Variants in SRP54 observed in about 807,000 individuals in gnomAD.
The protein encoded by SRP54 is signal recognition particle 54, also known as signal recognition particle subunit SRP54.
Under a neutral mutation model 64.8 loss-of-function variants are expected in SRP54, and 10 were observed. The observed-to-expected ratio is 0.15, with a 90% CI of 0.10 to 0.26. The LOEUF (loss-of-function observed/expected upper bound fraction) is 0.26. Ranked by LOEUF, SRP54 falls within the 10% of genes least tolerant of loss-of-function variation. The pLI is 1.00. For missense variants in SRP54, 325 were observed against 613.7 expected, an observed-to-expected ratio of 0.53 and a Z score of 4.97; for synonymous variants, 193 against 185.6, an observed-to-expected ratio of 1.04 and a Z score of -0.32.
chr14:35,000,404 A>G (rs2044150702), intron 3 of SRP54, among the ~76,000 whole-genome samples: 1 of 151,998 alleles, frequency 6.6e-6, no homozygotes, highest in Admixed American at 6.6e-5. Flanking sequence ...TGTTTCTACT[A>G]AAAATACAAA....
chr14:35,004,825 C>G lies in SRP54; in HGVS notation c.256-2458C>G, dbSNP rs997086882. ...TGTTTAAGACAGATTTTGCCTATTT[C>G]AAAAGTTTGCCTAAGGGTAGGTTGA... On this transcript the variant is annotated intron_variant, in intron 4 of 15. Coordinates refer to ENST00000216774, the MANE Select transcript of SRP54 (RefSeq NM_003136.4). Among the ~76,000 whole-genome samples, 3 of 152,234 alleles carry G rather than the reference C, an allele frequency of 2.0e-5. No homozygotes were observed. The South Asian group carries it at 6.2e-4, about 32-fold the overall frequency.
intron 1 of SRP54, among the ~76,000 whole-genome samples, chr14:34,987,855 CTACA>C (rs2043922706): frequency 1.3e-5 from 2 of 152,134 alleles, no homozygotes; most frequent in South Asian, 4.1e-4. Flanking sequence ...ATGGATTATA[CTACA>C]TATGCAGTTT....
intron 4 of SRP54, among the ~76,000 whole-genome samples, chr14:35,004,003 G>A (rs1255066170): frequency 6.6e-6 from 1 of 151,590 alleles, no homozygotes; most frequent in Non-Finnish European, 1.5e-5. Flanking sequence ...CCAGTACTTT[G>A]GCAGGCCAAG....
At chr14:35,009,876 T>G (rs912231511) in intron 7 of SRP54, among the ~76,000 whole-genome samples, 2 of 151,594 alleles carry the variant, frequency 1.3e-5, no homozygotes, top group African/African-American at 4.9e-5. Flanking sequence ...AAAAATAAAT[T>G]TAAAAAATTT....
chr14:34,988,802 A>G (rs543495934), intron 1 of SRP54, among the ~76,000 whole-genome samples: 3 of 151,812 alleles, frequency 2.0e-5, no homozygotes, highest in South Asian at 2.1e-4. Flanking sequence ...GTCTCTTGCT[A>G]TCTGGGGGGG....
At position 35,022,914 on chromosome 14, in the gene SRP54, A is replaced by C; in HGVS notation, c.1161A>C (p.Leu387=). ...TIMDSMNDQE[L]DSTDGAKVFS... ...AGTAACTGACCTTGTCTACAGAACT[A>C]GACAGTACGGATGGTGCCAAAGTTT... is the stretch of plus-strand genomic sequence containing the variant. The change falls in exon 14 of 16, where the codon CTA becomes CTC. Residue 387 remains leucine, a synonymous_variant. Coordinates refer to ENST00000216774, the MANE Select transcript of SRP54 (RefSeq NM_003136.4). 1 of 1,612,584 alleles carries C rather than the reference A, an allele frequency of 6.2e-7. No homozygotes were observed. The highest frequency in any genetic ancestry group is 2.2e-5 in the East Asian group (1 of 44,820).
chr14:35,021,608 G>A (rs1021379988), intron 13 of SRP54, among the ~76,000 whole-genome samples: 1 of 151,262 alleles, frequency 6.6e-6, no homozygotes, highest in African/African-American at 2.4e-5. Context: ...ACTCCAGCCT[G>A]AGGGACAGAG....
At chr14:34,989,453 G>A (rs1566640922) in intron 1 of SRP54, among the ~76,000 whole-genome samples, 1 of 151,674 alleles carries the variant, frequency 6.6e-6, no homozygotes, top group Non-Finnish European at 1.5e-5. Flanking sequence ...TGGGCAACAA[G>A]AGCAAAACTC....
At chr14:35,008,464 G>C (rs1206255273) in intron 5 of SRP54, among the ~76,000 whole-genome samples, 163 bp from the exon 6 acceptor site, 1 of 152,070 alleles carries the variant, frequency 6.6e-6, no homozygotes, top group Non-Finnish European at 1.5e-5. Flanking sequence ...ATAAAACTTT[G>C]TAGGAAATTT....
intron 1 of SRP54, 107 bp downstream of exon 1, chr14:34,983,322 A>AC (rs1349568386): frequency 6.6e-6 from 1 of 152,226 alleles, no homozygotes; most frequent in Non-Finnish European, 1.5e-5. Flanking sequence ...CTCCGTGGCC[A>AC]CCGGCCATCG....
intron 4 of SRP54, among the ~76,000 whole-genome samples, chr14:35,002,179 C>A (rs768680415): frequency 5.9e-5 from 9 of 151,986 alleles, no homozygotes; most frequent in Admixed American, 1.3e-4. Context: ...CATGGTGTAA[C>A]CCCATCTCTG....
rs1173268941 is a variant in SRP54 at position 34,996,935 on chromosome 14, G to A, written c.78+148G>A. The A allele has an allele frequency of 2.2e-5, 10 of 449,548 alleles. No individual in the cohort carries two copies. The East Asian group carries it at 3.4e-4, about 15-fold the overall frequency. 27.8% of individuals were successfully genotyped at this position (449,548 alleles called of 1,614,324 possible). A position where few individuals can be genotyped will look rare whatever the true frequency, so the allele number is the denominator to read the frequency against. The stretch of plus-strand genomic sequence containing the variant: ...AGCCTAAAAGTGGATACAGTAAGTA[G>A]TGTTTTATTGAGAAATTAACTACAA... On this transcript the variant is annotated intron_variant, in intron 2 of 15. Coordinates refer to ENST00000216774, the MANE Select transcript of SRP54 (RefSeq NM_003136.4).
At position 35,013,553 on chromosome 14, in the gene SRP54, T is replaced by C. The variant is rs986038717; in HGVS notation, c.785+59T>C. 6.1e-5 allele frequency: 92 copies of C among 1,514,516 alleles called. No individual in the cohort carries two copies. The Middle Eastern group carries it at 1.0e-3, about 17-fold the overall frequency. 93.8% of individuals were successfully genotyped at this position (1,514,516 alleles called of 1,614,324 possible). A position where few individuals can be genotyped will look rare whatever the true frequency, so the allele number is the denominator to read the frequency against. ...GGGATTATATGGGGAAGGATATGTGTTTATAGCTTTCATATTGATCATTTA... is the reference window on the plus strand; with the variant it reads ...GGGATTATATGGGGAAGGATATGTGCTTATAGCTTTCATATTGATCATTTA... On this transcript the variant is annotated intron_variant, in intron 9 of 15. Transcript: ENST00000216774.
At chr14:35,011,450 G>T in intron 7 of SRP54, 59 bp from the exon 8 acceptor site, 1 of 1,275,740 alleles carries the variant, frequency 7.8e-7, no homozygotes, top group South Asian at 2.6e-5. Flanking sequence ...TTAACTTTCC[G>T]AATTAGTAGT....
At chr14:34,992,461 TA>T (rs1200984700) in intron 1 of SRP54, among the ~76,000 whole-genome samples, 1 of 152,078 alleles carries the variant, frequency 6.6e-6, no homozygotes, top group East Asian at 1.9e-4. Context: ...TAGGCAGCCA[TA>T]AAAAGAATGA....
intron 4 of SRP54, among the ~76,000 whole-genome samples, chr14:35,005,649 T>TC (rs1300406646): frequency 2.6e-5 from 4 of 151,722 alleles, no homozygotes; most frequent in Non-Finnish European, 4.4e-5. Flanking sequence ...TCCTCCTTTG[T>TC]CCCCCCGCTG....
At chr14:35,019,884 A>C (rs2044497368) in intron 13 of SRP54, among the ~76,000 whole-genome samples, 1 of 152,184 alleles carries the variant, frequency 6.6e-6, no homozygotes, top group Admixed American at 6.5e-5. Context: ...TTAATTTAAA[A>C]ATAGTTGATT....
At chr14:35,017,031 T>C (rs1420481959) in intron 11 of SRP54, among the ~76,000 whole-genome samples, 3 of 152,074 alleles carry the variant, frequency 2.0e-5, no homozygotes, top group East Asian at 1.9e-4. Flanking sequence ...ATTTTTGCAT[T>C]TTTAGTAGAA....
intron 11 of SRP54, among the ~76,000 whole-genome samples, chr14:35,016,840 C>CTTTTTTTTTTTTTTTTTTTTTTTTTT (rs145307640): frequency 1.4e-5 from 1 of 71,616 alleles, no homozygotes; most frequent in East Asian, 4.5e-4. Flanking sequence ...CCTTTTTTTT[C>CTTTTTTTTTTTTTTTTTTTTTTTTTT]TTTTCTTTTT....
Sources: allele counts gnomAD v4.1 joint callset (sites outside exome capture counted in the v4.1 genomes callset), GRCh38; gene constraint gnomAD v4.1.1; transcripts MANE v1.5; gene names NCBI Gene and HGNC (gene_info 2026-07-23, HGNC 2026-07-21).